USP10: variants seen among roughly 807,000 people sequenced by gnomAD.
USP10 encodes ubiquitin specific peptidase 10.
In USP10, 22 loss-of-function variants were observed where a neutral mutation model predicts 84.5. The ratio of observed to expected loss-of-function variants is 0.26; its 90% CI spans 0.19 to 0.37. The LOEUF is 0.37. USP10 is among the 10% of genes least tolerant of loss of function. The pLI is 1.00. For synonymous variants in USP10, 454 were observed against 387.6 expected (o/e 1.17, Z -2.01); for missense variants, 1,019 against 998.9 (o/e 1.02, Z -0.27).
At chr16:84,736,976 G>T (rs1234187787) in intron 2 of USP10, among the ~76,000 whole-genome samples, 2 of 152,174 alleles carry the variant, frequency 1.3e-5, no homozygotes, top group African/African-American at 4.8e-5. Flanking sequence ...TTTTAGTAGA[G>T]GCGGGGTTTC....
At chr16:84,753,262 A>G (rs1160017457) in intron 4 of USP10, among the ~76,000 whole-genome samples, 1 of 152,140 alleles carries the variant, frequency 6.6e-6, no homozygotes, top group Non-Finnish European at 1.5e-5. Flanking sequence ...CTGAAATAGA[A>G]CTTTATTAAT....
chr16:84,772,851 C>G (rs569481168), intron 12 of USP10, among the ~76,000 whole-genome samples, 166 bp downstream of exon 12: 9 of 152,050 alleles, frequency 5.9e-5, no homozygotes, highest in Non-Finnish European at 1.3e-4. Flanking sequence ...TACTAAAATT[C>G]TCATGAAAAT....
chr16:84,705,313 C>T (rs149322051), intron 1 of USP10, among the ~76,000 whole-genome samples: 1 of 151,746 alleles, frequency 6.6e-6, no homozygotes, highest in Admixed American at 6.6e-5. Flanking sequence ...CTCACTGCAA[C>T]TTCTGCCTCC....
At chr16:84,755,447 C>T (rs1272441500) in intron 4 of USP10, among the ~76,000 whole-genome samples, 7 of 151,672 alleles carry the variant, frequency 4.6e-5, no homozygotes, top group Admixed American at 6.6e-5. Context: ...CACTCCTACA[C>T]GCTGCCCCCA....
At chr16:84,739,333 G>A (rs979002535) in intron 2 of USP10, among the ~76,000 whole-genome samples, 1 of 150,494 alleles carries the variant, frequency 6.6e-6, no homozygotes, top group Admixed American at 6.6e-5. Context: ...GTGCAGTGGC[G>A]CGATCTCGGC....
At chr16:84,735,476 AG>A in intron 2 of USP10, among the ~76,000 whole-genome samples, 1 of 152,188 alleles carries the variant, frequency 6.6e-6, no homozygotes, top group African/African-American at 2.4e-5. Context: ...ACAGGCTCGG[AG>A]GGTTTGGGCA....
At position 84,776,300 on chromosome 16, in the gene USP10, AGGGCCTAGCGGTGG is replaced by A. The variant is rs773749826; in HGVS notation, c.2209+1081_2209+1094del. ...GCCCAGGGATGGGGGCCCAGGGGTG[AGGGCCTAGCGGTGG>A]GGGCCCAGGGGTGAGGGCCCAGTGG... On this transcript the variant is annotated intron_variant, in intron 13 of 13. Coordinates refer to ENST00000219473, the MANE Select transcript of USP10 (RefSeq NM_005153.3). 8.6e-4 allele frequency among the ~76,000 whole-genome samples: 116 copies of A among 135,014 alleles called. No homozygotes were observed. In the Middle Eastern group the frequency reaches 0.011, roughly 13 times the overall value. 88.6% of individuals were successfully genotyped at this position (135,014 alleles called of 152,430 possible). A position where few individuals can be genotyped will look rare whatever the true frequency, so the allele number is the denominator to read the frequency against.
intron 3 of USP10, among the ~76,000 whole-genome samples, chr16:84,743,323 A>C (rs572627857): frequency 2.4e-4 from 37 of 152,154 alleles, no homozygotes; most frequent in Middle Eastern, 3.4e-3. Flanking sequence ...TTCACCCCCC[A>C]CAGTCGGGGG....
intron 10 of USP10, among the ~76,000 whole-genome samples, chr16:84,764,787 G>A (rs1465495361): frequency 2.0e-5 from 3 of 151,238 alleles, no homozygotes; most frequent in East Asian, 3.9e-4. Flanking sequence ...CCCAGATAGC[G>A]CCATTGCACT....
Position 84,768,150 on chromosome 16 carries a change from G to C in USP10, c.1833-43G>C, listed in dbSNP as rs768200274. The C allele has an allele frequency of 7.2e-6, 11 of 1,535,998 alleles. No individual in the cohort carries two copies. The South Asian group carries it at 1.2e-4, about 17-fold the overall frequency. On this transcript the variant is annotated intron_variant, in intron 10 of 13. Coordinates refer to ENST00000219473, the MANE Select transcript of USP10 (RefSeq NM_005153.3). ...GGTTAATCTTAAGGGAAAGTGGCAA[G>C]GAGTGGTCTCTTAATTTTTTTGTTT...
At chr16:84,720,576 A>ATATTTTTTTTTTTTT (rs1364375205) in intron 1 of USP10, among the ~76,000 whole-genome samples, 1 of 88,340 alleles carries the variant, frequency 1.1e-5, no homozygotes, top group African/African-American at 4.7e-5. Flanking sequence ...ATGATGCCCA[A>ATATTTTTTTTTTTTT]TTTTTTTTTT....
intron 1 of USP10, among the ~76,000 whole-genome samples, chr16:84,729,300 G>A (rs908672968): frequency 2.6e-5 from 4 of 152,100 alleles, no homozygotes; most frequent in African/African-American, 9.7e-5. Context: ...AATATTTATC[G>A]TTTTTCAAAA....
At position 84,758,666 on chromosome 16, in the gene USP10, T is replaced by G. The variant is rs1912859628; in HGVS notation, c.1193-50T>G. On this transcript the variant is annotated intron_variant, in intron 4 of 13. Transcript: ENST00000219473. ...AGAGCATGTGAAATGATTTGAATGT[T>G]CTTCACTAGATGTCATCAATTTCTG... 3.9e-6 allele frequency: 5 copies of G among 1,285,626 alleles called. No homozygotes were observed. The South Asian group carries it at 5.9e-5, about 15-fold the overall frequency. The allele number at this position is 1,285,626 out of a possible 1,614,324, so 79.6% of individuals were successfully genotyped here.
intron 2 of USP10, 106 bp downstream of exon 2, chr16:84,733,609 G>A (rs1184584860): frequency 2.5e-6 from 2 of 785,840 alleles, no homozygotes; most frequent in Non-Finnish European, 3.9e-6. Flanking sequence ...GTAGAGAAAA[G>A]TATGGAGACT....
intron 1 of USP10, among the ~76,000 whole-genome samples, chr16:84,705,305 C>T (rs1002376773): frequency 1.3e-5 from 2 of 151,646 alleles, no homozygotes; most frequent in Admixed American, 6.6e-5. Flanking sequence ...TATCTTGTCT[C>T]ACTGCAACTT....
intron 2 of USP10, among the ~76,000 whole-genome samples, chr16:84,739,425 C>T (rs1039663791): frequency 6.6e-6 from 1 of 152,124 alleles, no homozygotes; most frequent in African/African-American, 2.4e-5. Flanking sequence ...GTGCCTGCCA[C>T]CACGCCCAGC....
Position 84,777,729 on chromosome 16 carries a change from C to A in USP10, c.2210-1166C>A, listed in dbSNP as rs532143383. On this transcript the variant is annotated intron_variant, in intron 13 of 13. Transcript: ENST00000219473. ...AGAGAGGACTGAGGCCTCCTGCTGT[C>A]ATTTAGCCCCTCCACGTGACAACTG... 2.3e-4 allele frequency among the ~76,000 whole-genome samples: 35 copies of A among 152,068 alleles called. No individual in the cohort carries two copies. The South Asian group carries it at 2.5e-3, about 11-fold the overall frequency.
In USP10 at chr16:84,745,214, G is replaced by A; in HGVS notation, c.733G>A (p.Gly245Ser). The A allele has an allele frequency of 6.2e-7, 1 of 1,613,198 alleles. No individual in the cohort carries two copies. The highest frequency in any genetic ancestry group is 1.7e-5 in the Admixed American group (1 of 59,982). The change falls in exon 4 of 14, where the codon GGC (glycine) becomes AGC (serine). Residue 245 changes from glycine (G) to serine (S), a missense_variant. Coordinates refer to ENST00000219473, the MANE Select transcript of USP10 (RefSeq NM_005153.3). Reference protein sequence around the residue: ...DTRTAGQPEGGPGADFGQSCF... With the variant: ...DTRTAGQPEGSPGADFGQSCF... Reference sequence around the variant, plus strand: ...CAGGACTGCAGGGCAGCCAGAGGGGGGCCCCGGGGCTGATTTTGGTCAGTC... The same window carrying A: ...CAGGACTGCAGGGCAGCCAGAGGGGAGCCCCGGGGCTGATTTTGGTCAGTC...
rs116959882 is a variant in USP10 at position 84,759,475 on chromosome 16, A to G, written c.1394+3A>G. The G allele has an allele frequency of 1.2e-3, 1,924 of 1,613,118 alleles. 3 individuals carry two copies. The highest frequency in any genetic ancestry group is 1.5e-3 in the Non-Finnish European group (1,724 of 1,179,078). The stretch of plus-strand genomic sequence containing the variant: ...TCAACACCCATGATAGACAGCTTGT[A>G]AGTAAGGTGGTGAAAGATGTGTTAA... On this transcript the variant is annotated splice_donor_region_variant and intron_variant, in intron 6 of 13. Coordinates refer to ENST00000219473, the MANE Select transcript of USP10 (RefSeq NM_005153.3).
Sources: allele counts gnomAD v4.1 joint callset (sites outside exome capture counted in the v4.1 genomes callset), GRCh38; gene constraint gnomAD v4.1.1; transcripts MANE v1.5; gene names NCBI Gene and HGNC (gene_info 2026-07-23, HGNC 2026-07-21).